KIF18A: variants seen among roughly 807,000 people sequenced by gnomAD.
KIF18A encodes kinesin family member 18A.
A neutral mutation model predicts 103.3 loss-of-function variants in KIF18A; 67 were observed. The ratio of observed to expected loss-of-function variants is 0.65; its 90% CI spans 0.53 to 0.79. KIF18A has a LOEUF of 0.79. KIF18A is among the 30% of genes least tolerant of loss of function. The pLI, the probability that KIF18A is intolerant of heterozygous loss-of-function variation, is 0.00. For missense variants in KIF18A, 1,032 were observed against 1,062.5 expected, an observed-to-expected ratio of 0.97 and a Z score of 0.40; for synonymous variants, 367 against 355.5, an observed-to-expected ratio of 1.03 and a Z score of -0.36.
rs367934453 is a variant in KIF18A, at chr11:28,036,551, G to C, written c.2062C>G (p.Gln688Glu). The C allele has an allele frequency of 1.5e-5, 24 of 1,610,834 alleles. No individual in the cohort carries two copies. Among genetic ancestry groups the C allele is most frequent in the Non-Finnish European group, 2.0e-5 (24 of 1,177,992 alleles). The change falls in exon 14 of 17, where the codon CAA (glutamine) becomes GAA (glutamate). Residue 688 changes from glutamine (Q) to glutamate (E), a missense_variant. Coordinates refer to ENST00000263181, the MANE Select transcript of KIF18A (RefSeq NM_031217.4). The part of the protein sequence containing the change: ...GQHTLKSPPS[Q>E]SVQLNDSLSK... ...AGAGAATCATTGAGCTGCACACTTTGAGATGGTGGAGACTTTAGAGTATGC... is the reference window on the plus strand; with the variant it reads ...AGAGAATCATTGAGCTGCACACTTTCAGATGGTGGAGACTTTAGAGTATGC...
intron 3 of KIF18A, among the ~76,000 whole-genome samples, chr11:28,092,312 G>A (rs147055865): frequency 7.2e-5 from 11 of 152,066 alleles, no homozygotes; most frequent in Admixed American, 2.0e-4. Flanking sequence ...TATTTGTTTC[G>A]GTTATCCTTC....
chr11:28,043,619 A>C (rs1220847155), intron 13 of KIF18A, among the ~76,000 whole-genome samples: 3 of 139,040 alleles, frequency 2.2e-5, no homozygotes, highest in Admixed American at 2.1e-4. Flanking sequence ...TTTATAGATT[A>C]TTTGATGATA....
At chr11:28,047,020 G>C in intron 13 of KIF18A, among the ~76,000 whole-genome samples, 1 of 126,522 alleles carries the variant, frequency 7.9e-6, no homozygotes, top group Non-Finnish European at 1.6e-5. Context: ...TGCCATTGCA[G>C]TCCAGCCTGG....
chr11:28,045,272 G>A (rs1021881695), intron 13 of KIF18A, among the ~76,000 whole-genome samples: 4 of 151,912 alleles, frequency 2.6e-5, no homozygotes, highest in African/African-American at 9.7e-5. Flanking sequence ...AGCTACTTAA[G>A]TCTACCTATA....
intron 9 of KIF18A, among the ~76,000 whole-genome samples, chr11:28,079,738 T>G (rs1354337441): frequency 6.7e-6 from 1 of 149,992 alleles, no homozygotes; most frequent in African/African-American, 2.5e-5. Flanking sequence ...TGATGTACTT[T>G]GGAAGTTTCC....
intron 10 of KIF18A, 30 bp downstream of exon 10, chr11:28,076,977 C>G: frequency 1.8e-5 from 11 of 612,400 alleles, no homozygotes; most frequent in Non-Finnish European, 2.6e-5. Flanking sequence ...TTTATACTTT[C>G]TAAAATTTAA....
At chr11:28,026,156 A>C (rs1201254232) in intron 15 of KIF18A, among the ~76,000 whole-genome samples, 1 of 151,852 alleles carries the variant, frequency 6.6e-6, no homozygotes, top group Admixed American at 6.6e-5. Flanking sequence ...ATATTAAATA[A>C]ATTGTTAAGA....
At chr11:28,071,122 G>A (rs1851007682) in intron 10 of KIF18A, among the ~76,000 whole-genome samples, 1 of 152,138 alleles carries the variant, frequency 6.6e-6, no homozygotes, top group African/African-American at 2.4e-5. Context: ...CATGGTACAG[G>A]GACCCCTAAG....
intron 7 of KIF18A, among the ~76,000 whole-genome samples, chr11:28,084,047 C>T (rs1039800854): frequency 1.3e-5 from 2 of 152,014 alleles, no homozygotes; most frequent in African/African-American, 2.4e-5. Flanking sequence ...TTTTTAAGTA[C>T]AACACATCTT....
intron 5 of KIF18A, 126 bp from the exon 6 acceptor site, chr11:28,088,847 T>A: frequency 1.4e-6 from 1 of 719,760 alleles, no homozygotes. Flanking sequence ...GAACAAGGTA[T>A]AATCTAATTG....
intron 10 of KIF18A, among the ~76,000 whole-genome samples, chr11:28,075,588 C>A (rs1851079039): frequency 6.6e-6 from 1 of 151,810 alleles, no homozygotes; most frequent in Non-Finnish European, 1.5e-5. Context: ...ATCTTTGATT[C>A]CTTTATCTTT....
At chr11:28,069,519 T>G (rs1850982763) in intron 10 of KIF18A, 96 bp from the exon 11 acceptor site, 2 of 1,169,796 alleles carry the variant, frequency 1.7e-6, no homozygotes, top group African/African-American at 3.1e-5. Flanking sequence ...TGTACTATTG[T>G]AGTAAATTAA....
intron 9 of KIF18A, among the ~76,000 whole-genome samples, chr11:28,080,637 C>T (rs943111614): frequency 8.6e-5 from 13 of 152,036 alleles, no homozygotes; most frequent in Non-Finnish European, 1.5e-4. Context: ...CTGGCTGTTT[C>T]CCTACCTCTC....
intron 15 of KIF18A, among the ~76,000 whole-genome samples, chr11:28,033,828 T>C (rs1850444057): frequency 6.6e-6 from 1 of 151,586 alleles, no homozygotes; most frequent in Admixed American, 6.6e-5. Context: ...CAATAATGTA[T>C]TGTACATTTA....
At chr11:28,095,493 C>A (rs1300035761) in intron 2 of KIF18A, among the ~76,000 whole-genome samples, 1 of 152,210 alleles carries the variant, frequency 6.6e-6, no homozygotes, top group Non-Finnish European at 1.5e-5. Flanking sequence ...TCTCTTCTGG[C>A]ATGTATCACA....
chr11:28,041,672 G>T (rs992605246), intron 13 of KIF18A, among the ~76,000 whole-genome samples: 1 of 151,776 alleles, frequency 6.6e-6, no homozygotes, highest in African/African-American at 2.4e-5. Context: ...GTCAAGAATG[G>T]TCAAGAGAGA....
At chr11:28,094,212 T>C (rs1241370212) in intron 3 of KIF18A, among the ~76,000 whole-genome samples, 1 of 152,182 alleles carries the variant, frequency 6.6e-6, no homozygotes, top group African/African-American at 2.4e-5. Flanking sequence ...ATTAATGAAA[T>C]AACTAGCAAA....
At chr11:28,067,550 C>T (rs1006284124) in intron 11 of KIF18A, among the ~76,000 whole-genome samples, 1 of 152,082 alleles carries the variant, frequency 6.6e-6, no homozygotes, top group African/African-American at 2.4e-5. Flanking sequence ...AATGCATTGA[C>T]TAGTATCTTT....
intron 13 of KIF18A, among the ~76,000 whole-genome samples, chr11:28,046,247 G>A (rs1053296451): frequency 3.3e-5 from 5 of 150,982 alleles, no homozygotes; most frequent in Non-Finnish European, 7.4e-5. Context: ...ACATGCACAC[G>A]TATGTTTATT....
Sources: gnomAD v4.1 joint callset for allele counts (sites outside exome capture counted in the v4.1 genomes callset) on GRCh38, gnomAD v4.1.1 for gene constraint, MANE v1.5 for transcripts, NCBI Gene and HGNC (gene_info 2026-07-23, HGNC 2026-07-21) for gene names.